TRPM3: variants seen among roughly 807,000 people sequenced by gnomAD.
TRPM3 encodes the protein transient receptor potential cation channel subfamily M member 3.
A neutral mutation model predicts 181.2 loss-of-function variants in TRPM3; 77 were observed. The observed-to-expected ratio is 0.42, with a 90% CI of 0.35 to 0.51. The LOEUF is 0.51. Among genes scored for constraint, TRPM3 ranks in the 20% least tolerant of loss-of-function variants. The probability of loss-of-function intolerance (pLI) is 0.01; values close to 1 mark genes in which losing one functional copy is unlikely to be tolerated. For synonymous variants in TRPM3, 745 were observed against 796.4 expected (o/e 0.94, Z 1.09); for missense variants, 1,759 against 2,196.7 (o/e 0.80, Z 3.98).
intron 1 of TRPM3, among the ~76,000 whole-genome samples, chr9:71,349,863 G>GT (rs1000969764): frequency 6.6e-6 from 1 of 151,814 alleles, no homozygotes; most frequent in African/African-American, 2.4e-5. Context: ...GGGAAGAAAA[G>GT]TGATAACATG....
rs561354355 is a variant in TRPM3 at position 71,372,560 on chromosome 9, A to G, written c.183+74093T>C. 3.2e-4 allele frequency among the ~76,000 whole-genome samples: 49 copies of G among 152,208 alleles called. 1 individual carries two copies. Among genetic ancestry groups the G allele is most frequent in the African/African-American group, 1.2e-3 (48 of 41,538 alleles). The stretch of plus-strand genomic sequence containing the variant: ...TAACAGTCATTCTGACTGGCATGAG[A>G]TGGTATCTCATTGTGGTTTTAATTT... On this transcript the variant is annotated intron_variant, in intron 1 of 24. Coordinates refer to the TRPM3 transcript ENST00000357533.
intron 1 of TRPM3, among the ~76,000 whole-genome samples, chr9:71,108,880 C>T (rs1755786668): frequency 6.6e-6 from 1 of 152,016 alleles, no homozygotes; most frequent in Non-Finnish European, 1.5e-5. Context: ...CTGTGGTGCC[C>T]AGAGATTTGG....
At chr9:71,425,683 T>A (rs972738677) in intron 1 of TRPM3, among the ~76,000 whole-genome samples, 4 of 152,154 alleles carry the variant, frequency 2.6e-5, no homozygotes, top group African/African-American at 9.7e-5. Flanking sequence ...GCAGAGACTT[T>A]AGCAATATTC....
At position 70,535,409 on chromosome 9, in the gene TRPM3, T is replaced by C; in HGVS notation, c.*544A>G. ...CATGAGAAGGATGTGGGACGTTAGG[T>C]AGAACTGCTTGCTGCCGGCTTATAC... On this transcript the variant is annotated 3_prime_UTR_variant, in exon 26 of 26. Coordinates refer to ENST00000677713, the MANE Select transcript of TRPM3 (RefSeq NM_001366145.2). 5 of 1,550,450 alleles carry C rather than the reference T, an allele frequency of 3.2e-6. No individual in the cohort carries two copies. The highest frequency in any genetic ancestry group is 4.4e-6 in the Non-Finnish European group (5 of 1,146,958).
chr9:70,959,508 C>T (rs1026066101), intron 1 of TRPM3, among the ~76,000 whole-genome samples: 1 of 151,780 alleles, frequency 6.6e-6, no homozygotes, highest in African/African-American at 2.4e-5. Flanking sequence ...GCTCATTTGG[C>T]AGTCAAGGAA....
At chr9:71,306,171 C>T (rs1270602239) in intron 1 of TRPM3, among the ~76,000 whole-genome samples, 1 of 152,064 alleles carries the variant, frequency 6.6e-6, no homozygotes, top group Non-Finnish European at 1.5e-5. Context: ...TTATCACGAA[C>T]TTGTTTGGTT....
intron 1 of TRPM3, among the ~76,000 whole-genome samples, chr9:71,067,271 TTGGAAAG>T (rs2062052763): frequency 6.6e-6 from 1 of 152,184 alleles, no homozygotes; most frequent in South Asian, 2.1e-4. Context: ...TGTAGAAAAT[TTGGAAAG>T]TGGAAAGTAC....
intron 6 of TRPM3, among the ~76,000 whole-genome samples, chr9:70,788,001 CCTGA>C (rs1271802941): frequency 8.0e-6 from 1 of 125,310 alleles, no homozygotes; most frequent in Non-Finnish European, 1.6e-5. Context: ...CTCTCACTAT[CCTGA>C]CTTTTTTTTT....
intron 1 of TRPM3, among the ~76,000 whole-genome samples, chr9:71,116,125 C>T (rs2072319733): frequency 6.6e-6 from 1 of 152,130 alleles, no homozygotes; most frequent in South Asian, 2.1e-4. Context: ...TTCAAGTTTC[C>T]CATCTTCAAG....
intron 1 of TRPM3, among the ~76,000 whole-genome samples, chr9:71,323,015 T>A (rs930058455): frequency 2.0e-5 from 3 of 152,142 alleles, no homozygotes; most frequent in Non-Finnish European, 2.9e-5. Flanking sequence ...TTTGTTAAAT[T>A]TTAAAAAAGA....
Position 70,549,658 on chromosome 9 carries a change from A to G in TRPM3, c.3591T>C (p.Asp1197=). The G allele has an allele frequency of 6.2e-7, 1 of 1,608,454 alleles. No individual in the cohort carries two copies. The highest frequency in any genetic ancestry group is 8.5e-7 in the Non-Finnish European group (1 of 1,179,182). The change falls in exon 25 of 26, where the codon GAT becomes GAC. Residue 1197 remains aspartate (D), a synonymous_variant. Coordinates refer to ENST00000677713, the MANE Select transcript of TRPM3 (RefSeq NM_001366145.2). ...AGTCATGTACTTTCTTGAGCTCATC[A>G]TCGGTTATGAAGAGTTCTGTGGAAA... ...RDYGLKLFIT[D]DELKKVHDFE... is the part of the protein sequence containing the mutation.
chr9:71,095,758 C>CAAAAAAAAAAAAAAAAAAAAA (rs34934062), intron 1 of TRPM3, among the ~76,000 whole-genome samples: 2 of 85,294 alleles, frequency 2.3e-5, no homozygotes, highest in African/African-American at 4.3e-5. Flanking sequence ...GACTCTGTGT[C>CAAAAAAAAAAAAAAAAAAAAA]AAAAAAAAAA....
At chr9:71,194,375 C>T (rs2078215958) in intron 1 of TRPM3, among the ~76,000 whole-genome samples, 2 of 151,912 alleles carry the variant, frequency 1.3e-5, no homozygotes, top group African/African-American at 2.4e-5. Flanking sequence ...GACTACGTTT[C>T]CTAACTTCTC....
chr9:71,299,464 G>A (rs1196883726), intron 1 of TRPM3, among the ~76,000 whole-genome samples: 1 of 150,014 alleles, frequency 6.7e-6, no homozygotes, highest in Non-Finnish European at 1.5e-5. Flanking sequence ...AGAAAAAATA[G>A]GAAGTTAGGA....
chr9:70,852,961 T>C (rs1231854506), intron 3 of TRPM3, among the ~76,000 whole-genome samples: 1 of 152,226 alleles, frequency 6.6e-6, no homozygotes, highest in Non-Finnish European at 1.5e-5. Flanking sequence ...GATATATATA[T>C]ATTTTTTTCT....
At chr9:71,182,713 G>A (rs1241932803) in intron 1 of TRPM3, among the ~76,000 whole-genome samples, 2 of 152,090 alleles carry the variant, frequency 1.3e-5, no homozygotes, top group Non-Finnish European at 2.9e-5. Context: ...CCAGGCTGGA[G>A]TGCAGTGATG....
chr9:70,602,937 C>T (rs2060339242), intron 20 of TRPM3, among the ~76,000 whole-genome samples: 1 of 152,158 alleles, frequency 6.6e-6, no homozygotes, highest in African/African-American at 2.4e-5. Flanking sequence ...AAGCAGAGTT[C>T]CTCCTAAAGC....
intron 1 of TRPM3, among the ~76,000 whole-genome samples, chr9:71,067,538 T>C (rs1250633186): frequency 6.6e-6 from 1 of 152,204 alleles, no homozygotes; most frequent in Non-Finnish European, 1.5e-5. Flanking sequence ...AAATCATCTG[T>C]TTATACTTTA....
chr9:70,557,908 G>A (rs2048125551), intron 22 of TRPM3, among the ~76,000 whole-genome samples: 1 of 152,188 alleles, frequency 6.6e-6, no homozygotes, highest in Non-Finnish European at 1.5e-5. Flanking sequence ...ACTGCCCAGT[G>A]TATATTTCCC....
Sources: allele counts gnomAD v4.1 joint callset (sites outside exome capture counted in the v4.1 genomes callset), GRCh38; gene constraint gnomAD v4.1.1; transcripts MANE v1.5; gene names NCBI Gene and HGNC (gene_info 2026-07-23, HGNC 2026-07-21).